Variants in MED25 observed in about 807,000 individuals in gnomAD.
MED25 encodes the protein mediator complex subunit 25, also known as mediator of RNA polymerase II transcription subunit 25.
A neutral mutation model predicts 89.4 loss-of-function variants in MED25; 62 were observed. The ratio of observed to expected loss-of-function variants is 0.69; its 90% CI spans 0.57 to 0.86. The LOEUF (loss-of-function observed/expected upper bound fraction) is 0.86, where lower values mean the gene tolerates loss of function less well. Ranked by LOEUF, MED25 falls within the 40% of genes least tolerant of loss-of-function variation. The pLI is 0.00. For synonymous variants in MED25, 449 were observed against 427.9 expected (o/e 1.05, Z -0.61); for missense variants, 905 against 1,005.2 (o/e 0.90, Z 1.35).
intron 13 of MED25, chr19:49,833,022 AC>A (rs1368225143): frequency 6.2e-6 from 1 of 160,002 alleles, no homozygotes; most frequent in East Asian, 1.8e-4. Flanking sequence ...CATTTTCCTG[AC>A]CTCATCTTAC....
At chr19:49,825,340 C>T (rs1001055001) in intron 3 of MED25, among the ~76,000 whole-genome samples, 4 of 152,036 alleles carry the variant, frequency 2.6e-5, no homozygotes, top group African/African-American at 4.8e-5. Context: ...CCTCTGCCCC[C>T]GAGGTTCAAG....
chr19:49,834,962 T>C lies in MED25; in HGVS notation c.1483-24T>C, dbSNP rs1406117054. The C allele has an allele frequency of 2.5e-6, 4 of 1,613,200 alleles. No individual in the cohort carries two copies. The South Asian group carries it at 4.4e-5, about 18-fold the overall frequency. On this transcript the variant is annotated intron_variant, in intron 13 of 17. Transcript: ENST00000312865. This position sits in a 1 kb window ranked among gnomAD's most constrained non-coding sequence, Gnocchi z 4.1. ...CTGCCTCTTTCAGGGCCTGAATGGT[T>C]CTGAAGAGCTGTTGTCCACCCAGGC...
rs1270757294 is a variant in MED25 at position 49,835,518 on chromosome 19, C to T, written c.1675-16C>T. 1 of 1,540,098 alleles carries T rather than the reference C, an allele frequency of 6.5e-7. No individual in the cohort carries two copies. Among genetic ancestry groups the T allele is most frequent in the Middle Eastern group, 2.3e-4 (1 of 4,412 alleles). The stretch of plus-strand genomic sequence containing the variant: ...ACCACCCTCAGTTACTGACCTGCCC[C>T]TCTCTCCCCGTGCAGATGGGGGGAC... On this transcript the variant is annotated splice_polypyrimidine_tract_variant and intron_variant, in intron 14 of 17. Coordinates refer to ENST00000312865, the MANE Select transcript of MED25 (RefSeq NM_030973.4). This position sits in a 1 kb window ranked among gnomAD's most constrained non-coding sequence, Gnocchi z 6.2.
intron 3 of MED25, 30 bp downstream of exon 3, chr19:49,819,326 C>A (rs2073965137): frequency 1.8e-6 from 2 of 1,103,282 alleles, no homozygotes; most frequent in Non-Finnish European, 2.3e-6. Flanking sequence ...GGGTGGGTTG[C>A]TGGTCCCTGT....
intron 3 of MED25, among the ~76,000 whole-genome samples, chr19:49,822,387 G>T (rs957582357): frequency 2.0e-5 from 3 of 151,718 alleles, no homozygotes; most frequent in Non-Finnish European, 2.9e-5. Context: ...TGGAGAGATC[G>T]CACCACTGCG....
At chr19:49,826,850 A>T (rs1244566568) in intron 3 of MED25, among the ~76,000 whole-genome samples, 5 of 152,084 alleles carry the variant, frequency 3.3e-5, no homozygotes, top group Admixed American at 3.3e-4. Flanking sequence ...GAGAGGACCT[A>T]TAGGTGCGGG....
At position 49,829,083 on chromosome 19, in the gene MED25, T is replaced by A; in HGVS notation, c.518T>A (p.Ile173Asn). The A allele has an allele frequency of 1.2e-6, 2 of 1,613,110 alleles. No individual in the cohort carries two copies. The highest frequency in any genetic ancestry group is 1.1e-5 in the South Asian group (1 of 91,028). The change falls in exon 5 of 18, where the codon ATT becomes AAT. Residue 173 changes from isoleucine (I) to asparagine (N), a missense_variant. Ile to Asn is a moderately radical substitution (Grantham distance 149, BLOSUM62 -3). Coordinates refer to ENST00000312865, the MANE Select transcript of MED25 (RefSeq NM_030973.4). This position sits in a 1 kb window ranked among gnomAD's most constrained non-coding sequence, Gnocchi z 4.6. ...GCTTENLVQQ[I>N]GERGIHFSIV... Reference sequence around the variant, plus strand: ...ACAACTGAGAATCTTGTGCAGCAGATTGGGGAGGTGAGGACTCCAGGGTCT... The same window carrying A: ...ACAACTGAGAATCTTGTGCAGCAGAATGGGGAGGTGAGGACTCCAGGGTCT...
chr19:49,825,572 C>T (rs945404307), intron 3 of MED25, among the ~76,000 whole-genome samples: 6 of 151,898 alleles, frequency 4.0e-5, no homozygotes, highest in Non-Finnish European at 7.4e-5. Flanking sequence ...CAGGGTCATG[C>T]CTGTAATTCC....
At chr19:49,818,685 G>A in intron 2 of MED25, 69 bp downstream of exon 2, 1 of 1,444,142 alleles carries the variant, frequency 6.9e-7, no homozygotes, top group Non-Finnish European at 9.7e-7. Context: ...TCTGAGGGAG[G>A]GAGAAAGGGC....
rs376796102 is a variant in MED25, at chr19:49,830,460, G to C, written c.820-51G>C. On this transcript the variant is annotated intron_variant, in intron 7 of 17. Coordinates refer to ENST00000312865, the MANE Select transcript of MED25 (RefSeq NM_030973.4). The surrounding 1 kb of genome is among the most constrained non-coding windows in gnomAD (Gnocchi z 4.6). Reference sequence around the variant, plus strand: ...TGTGACCTCGTGGGATACCAGGACTGGGGGGCCATGGTCCTCACCAGTCCC... The same window carrying C: ...TGTGACCTCGTGGGATACCAGGACTCGGGGGCCATGGTCCTCACCAGTCCC... The C allele has an allele frequency of 1.5e-5, 23 of 1,574,056 alleles. No homozygotes were observed. Among genetic ancestry groups the C allele is most frequent in the Non-Finnish European group, 1.9e-5 (22 of 1,144,926 alleles).
rs755230200 is a variant in MED25, at chr19:49,835,909, C to A, written c.1929C>A (p.Asn643Lys). 1 of 1,612,846 alleles carries A rather than the reference C, an allele frequency of 6.2e-7. No individual in the cohort carries two copies. Among genetic ancestry groups the A allele is most frequent in the Non-Finnish European group, 8.5e-7 (1 of 1,179,930 alleles). Residue 643 changes from asparagine to lysine, a missense_variant, in exon 16 of 18, where the codon AAC becomes AAA. This residue lies in a region of MED25 where 271 missense variants were observed against 258.1 expected (regional missense o/e 1.05). Transcript: ENST00000312865. This position sits in a 1 kb window ranked among gnomAD's most constrained non-coding sequence, Gnocchi z 6.2. ...TTCGGCCCCAGAACCCTGGGGCCAACCCTCAGCTGCGAAGCCTCCTCCTCA... is the reference window on the plus strand; with the variant it reads ...TTCGGCCCCAGAACCCTGGGGCCAAACCTCAGCTGCGAAGCCTCCTCCTCA... ...PILRPQNPGANPQLRSLLLNP... is the reference protein window; with the variant it reads ...PILRPQNPGAKPQLRSLLLNP...
At position 49,830,922 on chromosome 19, in the gene MED25, C is replaced by T. The variant is rs1250171575; in HGVS notation, c.1101+35C>T. 6.3e-7 allele frequency: 1 copy of T among 1,590,220 alleles called. No individual in the cohort carries two copies. The highest frequency in any genetic ancestry group is 8.6e-7 in the Non-Finnish European group (1 of 1,168,352). On this transcript the variant is annotated intron_variant, in intron 9 of 17. Coordinates refer to ENST00000312865, the MANE Select transcript of MED25 (RefSeq NM_030973.4). The surrounding 1 kb of genome is among the most constrained non-coding windows in gnomAD (Gnocchi z 4.6). ...TGCACGCCTCCTGCCCCTGCTCCTT[C>T]CTCCTGCTGTCCACAGCTAGGACAG...
Position 49,832,165 on chromosome 19 carries a change from G to C in MED25, c.1374+8G>C. The C allele has an allele frequency of 4.3e-6, 7 of 1,611,800 alleles. No individual in the cohort carries two copies. The highest frequency in any genetic ancestry group is 1.7e-5 in the Admixed American group (1 of 59,982). On this transcript the variant is annotated splice_region_variant and intron_variant, in intron 12 of 17. Coordinates refer to ENST00000312865, the MANE Select transcript of MED25 (RefSeq NM_030973.4). The stretch of plus-strand genomic sequence containing the variant: ...ATCCCCCAGCAGCTGCTGGTGAGTG[G>C]CGGTGGAGGGCCAGCCCTGCTGCCG...
At position 49,829,102 on chromosome 19, in the gene MED25, A is replaced by G. The variant is rs777951195; in HGVS notation, c.525+12A>G. On this transcript the variant is annotated intron_variant, in intron 5 of 17. Coordinates refer to ENST00000312865, the MANE Select transcript of MED25 (RefSeq NM_030973.4). This position sits in a 1 kb window ranked among gnomAD's most constrained non-coding sequence, Gnocchi z 4.6. The stretch of plus-strand genomic sequence containing the variant: ...AGCAGATTGGGGAGGTGAGGACTCC[A>G]GGGTCTGAGGGACGAGGGTCTGGGG... The G allele has an allele frequency of 2.5e-6, 4 of 1,611,134 alleles. No individual in the cohort carries two copies. The Admixed American group carries it at 6.7e-5, about 27-fold the overall frequency.
At chr19:49,832,200 C>G (rs1348083943) in intron 12 of MED25, 43 bp downstream of exon 12, 1 of 1,603,146 alleles carries the variant, frequency 6.2e-7, no homozygotes, top group Non-Finnish European at 8.5e-7. Flanking sequence ...GGGCAGTCCT[C>G]ACCCTGCTGT....
At chr19:49,837,589 A>G (rs2074108557), downstream of MED25, among the ~76,000 whole-genome samples, 1 of 152,112 alleles carries the variant, frequency 6.6e-6, no homozygotes, top group African/African-American at 2.4e-5. Context: ...GAGGCCAGAC[A>G]GGAGGCCAGG....
rs2074098442 is a variant in MED25, at chr19:49,836,380, A to C, written c.2120A>C (p.Gln707Pro). The change falls in exon 17 of 18, where the codon CAA becomes CCA. Residue 707 changes from glutamine (Q) to proline (P), a missense_variant. By Grantham distance (76) the Gln-to-Pro change is moderately conservative. Coordinates refer to ENST00000312865, the MANE Select transcript of MED25 (RefSeq NM_030973.4). This position sits in a 1 kb window ranked among gnomAD's most constrained non-coding sequence, Gnocchi z 5.1. ...CCACCTGCCCAGTCCTGGCCCGCACAACTTCCCCCTCGGGCTCCACTGCCA... is the reference window on the plus strand; with the variant it reads ...CCACCTGCCCAGTCCTGGCCCGCACCACTTCCCCCTCGGGCTCCACTGCCA... ...HPPPAQSWPA[Q>P]LPPRAPLPGQ... 6.2e-7 allele frequency: 1 copy of C among 1,603,932 alleles called. No homozygotes were observed. The highest frequency in any genetic ancestry group is 1.7e-5 in the Admixed American group (1 of 59,008).
intron 3 of MED25, 28 bp from the exon 4 acceptor site, chr19:49,828,421 C>T (rs750413224): frequency 4.5e-6 from 7 of 1,563,950 alleles, no homozygotes; most frequent in Non-Finnish European, 4.4e-6. Flanking sequence ...GATGGCAACC[C>T]TGGGGGCTGA....
At position 49,820,978 on chromosome 19, in the gene MED25, G is replaced by T. The variant is rs1381059168; in HGVS notation, c.305+1682G>T. On this transcript the variant is annotated intron_variant, in intron 3 of 17. Coordinates refer to ENST00000312865, the MANE Select transcript of MED25 (RefSeq NM_030973.4). ...ATTACTTATTCTTAGCTGTATAATA[G>T]ATTACCACCAAATAATGGCTGCATA... 2.6e-5 allele frequency among the ~76,000 whole-genome samples: 4 copies of T among 152,208 alleles called. No homozygotes were observed. In the East Asian group the frequency reaches 7.7e-4, roughly 29 times the overall value.
Sources: allele counts gnomAD v4.1 joint callset (sites outside exome capture counted in the v4.1 genomes callset), GRCh38; gene constraint gnomAD v4.1.1; regional missense constraint gnomAD v4.1.1; non-coding constraint Gnocchi (gnomAD v3.1); transcripts MANE v1.5; gene names NCBI Gene and HGNC (gene_info 2026-07-23, HGNC 2026-07-21).